Variants in PABPC4L observed in about 807,000 individuals in gnomAD.
PABPC4L encodes polyadenylate-binding protein 4-like.
For missense variants in PABPC4L, 452 were observed against 451.4 expected (o/e 1.00, Z -0.01); for synonymous variants, 169 against 164.1 (o/e 1.03, Z -0.23).
chr4:134,154,901 T>G, the PABPC4L span, among the ~76,000 whole-genome samples: 2 of 152,254 alleles, frequency 1.3e-5, no homozygotes, highest in Non-Finnish European at 1.5e-5. Flanking sequence ...ATTCATGATA[T>G]TAATTTTCAG....
chr4:134,147,721 A>T, the PABPC4L span, among the ~76,000 whole-genome samples: 1 of 130,974 alleles, frequency 7.6e-6, no homozygotes, highest in Non-Finnish European at 1.6e-5. Flanking sequence ...ATGTTCAGAA[A>T]TTACAGTGTG....
the PABPC4L span, among the ~76,000 whole-genome samples, chr4:133,963,464 A>C: frequency 6.6e-6 from 1 of 152,154 alleles, no homozygotes. Flanking sequence ...GAAACAATGG[A>C]TTTAAAATAT....
chr4:134,112,569 A>ACTATCTATCTAT, the PABPC4L span, among the ~76,000 whole-genome samples: 88 of 147,946 alleles, frequency 5.9e-4, 1 homozygote, highest in South Asian at 1.1e-3. Context: ...GCTCCACGTA[A>ACTATCTATCTAT]CTATCTATCT....
At chr4:134,086,150 T>C in the PABPC4L span, among the ~76,000 whole-genome samples, 3 of 152,116 alleles carry the variant, frequency 2.0e-5, no homozygotes, top group African/African-American at 4.8e-5. Context: ...TTTGGCATTT[T>C]CCTGGTAATG....
At chr4:133,970,671 C>A in the PABPC4L span, among the ~76,000 whole-genome samples, 2 of 152,206 alleles carry the variant, frequency 1.3e-5, no homozygotes, top group African/African-American at 4.8e-5. Context: ...AAAATTCATA[C>A]GTTGAAATTC....
the PABPC4L span, among the ~76,000 whole-genome samples, chr4:134,094,935 A>C: frequency 6.6e-6 from 1 of 151,736 alleles, no homozygotes; most frequent in African/African-American, 2.4e-5. Context: ...CGTGTTTTTT[A>C]AAATGGCTAG....
chr4:133,965,473 A>C, the PABPC4L span, among the ~76,000 whole-genome samples: 1 of 152,106 alleles, frequency 6.6e-6, no homozygotes, highest in Non-Finnish European at 1.5e-5. Flanking sequence ...AAAATCTAAA[A>C]TTCATATGGA....
downstream of PABPC4L, among the ~76,000 whole-genome samples, chr4:134,191,749 G>A (rs1729517165): frequency 6.6e-6 from 1 of 151,932 alleles, no homozygotes; most frequent in African/African-American, 2.4e-5. Flanking sequence ...GGCATGTATA[G>A]CTGTGAATAT....
chr4:134,176,193 T>G, the PABPC4L span, among the ~76,000 whole-genome samples: 1 of 152,102 alleles, frequency 6.6e-6, no homozygotes, highest in Non-Finnish European at 1.5e-5. Context: ...TATTAGAAAC[T>G]GTGAAGGTAT....
At chr4:134,127,645 G>T in the PABPC4L span, among the ~76,000 whole-genome samples, 2 of 152,084 alleles carry the variant, frequency 1.3e-5, no homozygotes, top group South Asian at 4.1e-4. Context: ...AAAAGATTCT[G>T]AACAGCAGTC....
At chr4:133,971,317 T>C in the PABPC4L span, among the ~76,000 whole-genome samples, 1 of 151,976 alleles carries the variant, frequency 6.6e-6, no homozygotes, top group East Asian at 1.9e-4. Flanking sequence ...TTCACCATGT[T>C]AGCCAGGATG....
At chr4:134,132,034 C>A in the PABPC4L span, among the ~76,000 whole-genome samples, 1 of 151,928 alleles carries the variant, frequency 6.6e-6, no homozygotes, top group Middle Eastern at 3.2e-3. Context: ...AAATTGTGTC[C>A]TAATCTCTCA....
the PABPC4L span, among the ~76,000 whole-genome samples, chr4:134,067,207 G>A: frequency 6.6e-6 from 1 of 151,918 alleles, no homozygotes; most frequent in Non-Finnish European, 1.5e-5. Context: ...ATTCAATTTT[G>A]GAACTGTAGT....
the PABPC4L span, among the ~76,000 whole-genome samples, chr4:134,064,471 GC>G: frequency 6.6e-6 from 1 of 152,124 alleles, no homozygotes; most frequent in Non-Finnish European, 1.5e-5. Flanking sequence ...GGTTAGATGT[GC>G]TTTTGGGAGA....
the PABPC4L span, among the ~76,000 whole-genome samples, chr4:134,059,818 A>C: frequency 2.6e-5 from 4 of 152,098 alleles, no homozygotes; most frequent in Non-Finnish European, 5.9e-5. Flanking sequence ...CCAACGAATC[A>C]TCTCCCCGAC....
downstream of PABPC4L, among the ~76,000 whole-genome samples, chr4:134,195,757 A>C (rs1169613093): frequency 6.6e-6 from 1 of 151,760 alleles, no homozygotes; most frequent in Non-Finnish European, 1.5e-5. Flanking sequence ...AAATATGACA[A>C]GACCATGAGA....
the PABPC4L span, among the ~76,000 whole-genome samples, chr4:134,153,810 G>A: frequency 2.6e-5 from 2 of 77,582 alleles, no homozygotes; most frequent in Non-Finnish European, 4.6e-5. Context: ...CCTATGCCTA[G>A]TTTTTTTTTT....
the PABPC4L span, chr4:133,978,752 C>T: frequency 6.6e-6 from 1 of 151,972 alleles, no homozygotes; most frequent in African/African-American, 2.4e-5. Flanking sequence ...TTCTCAAATC[C>T]CAATATTCTC....
At chr4:133,971,624 T>C in the PABPC4L span, among the ~76,000 whole-genome samples, 1 of 152,288 alleles carries the variant, frequency 6.6e-6, no homozygotes. Context: ...GCTTAAAATG[T>C]CCCACATTGT....
Sources: allele counts gnomAD v4.1 joint callset (sites outside exome capture counted in the v4.1 genomes callset), GRCh38; gene constraint gnomAD v4.1.1; transcripts MANE v1.5; gene names NCBI Gene and HGNC (gene_info 2026-07-23, HGNC 2026-07-21).